The following NDUFAF7 variants were observed in gnomAD, a reference collection of about 807,000 sequenced individuals.
NDUFAF7 encodes NADH:ubiquinone oxidoreductase complex assembly factor 7.
In NDUFAF7, 48 loss-of-function variants were observed where a neutral mutation model predicts 47.2. That is an observed-to-expected ratio of 1.02 (90% CI 0.81 to 1.29). NDUFAF7 has a LOEUF of 1.29. NDUFAF7 is among the 50% of genes most tolerant of loss of function. The pLI is 0.00. For synonymous variants in NDUFAF7, 217 were observed against 190.0 expected (o/e 1.14, Z -1.17); for missense variants, 635 against 537.6 (o/e 1.18, Z -1.79).
intron 4 of NDUFAF7, among the ~76,000 whole-genome samples, chr2:37,239,370 C>G (rs1666127249): frequency 6.6e-6 from 1 of 152,170 alleles, no homozygotes; most frequent in South Asian, 2.1e-4. Context: ...CCGCCTGCCT[C>G]GGCCTCCCAG....
the NDUFAF7 span, among the ~76,000 whole-genome samples, chr2:37,266,665 T>C: frequency 6.6e-6 from 1 of 152,064 alleles, no homozygotes; most frequent in African/African-American, 2.4e-5. Flanking sequence ...TTTTTTTGTA[T>C]TTAGTAGAGA....
At chr2:37,234,976 T>A (rs1054841874) in intron 2 of NDUFAF7, among the ~76,000 whole-genome samples, 5 of 152,236 alleles carry the variant, frequency 3.3e-5, no homozygotes, top group Non-Finnish European at 7.3e-5. Flanking sequence ...ACTCAATTCT[T>A]GAGTGTTTCT....
Position 37,247,615 on chromosome 2 carries a change from G to T in NDUFAF7, c.1096G>T (p.Asp366Tyr). The change falls in exon 9 of 10, where the codon GAT becomes TAT. Residue 366 changes from aspartate (D) to tyrosine (Y), a missense_variant. Asp to Tyr is a radical substitution (Grantham distance 160, BLOSUM62 -3). Coordinates refer to ENST00000002125, the MANE Select transcript of NDUFAF7 (RefSeq NM_144736.5). ...QHTFLKNMGI[D>Y]VRLKVLLDKS... The stretch of plus-strand genomic sequence containing the variant: ...CACATTTTTAAAAAATATGGGTATT[G>T]ATGTCCGGCTGAAGGTAAGGTTTAT... 2 of 1,613,918 alleles carry T rather than the reference G, an allele frequency of 1.2e-6. No individual in the cohort carries two copies. The highest frequency in any genetic ancestry group is 1.7e-6 in the Non-Finnish European group (2 of 1,179,924).
the NDUFAF7 span, among the ~76,000 whole-genome samples, chr2:37,263,405 T>G: frequency 2.0e-5 from 3 of 152,224 alleles, no homozygotes; most frequent in Admixed American, 1.3e-4. Flanking sequence ...TTCTTTGTTT[T>G]TAGGGTACAG....
At chr2:37,257,670 AG>A (rs1303370990), downstream of NDUFAF7, among the ~76,000 whole-genome samples, 670 of 25,926 alleles carry the variant, frequency 0.026, 25 homozygotes, top group African/African-American at 0.1. Flanking sequence ...CTGTCTCAAA[AG>A]AAAAAAAAAA....
Position 37,246,048 on chromosome 2 carries a change from C to CT in NDUFAF7, c.793-3dup. 1 of 1,613,618 alleles carries CT rather than the reference C, an allele frequency of 6.2e-7. No homozygotes were observed. The highest frequency in any genetic ancestry group is 8.5e-7 in the Non-Finnish European group (1 of 1,179,694). On this transcript the variant is annotated splice_polypyrimidine_tract_variant and splice_region_variant and intron_variant, in intron 7 of 9. Coordinates refer to ENST00000002125, the MANE Select transcript of NDUFAF7 (RefSeq NM_144736.5). ...TTTGACTCTTGCAATGATCCCTTTA[C>CT]TAGCATGACGAAACAAGGGATCATG...
the NDUFAF7 span, among the ~76,000 whole-genome samples, chr2:37,258,608 G>A: frequency 1.3e-5 from 2 of 152,120 alleles, no homozygotes; most frequent in African/African-American, 2.4e-5. Flanking sequence ...CTATTTTGAA[G>A]ATCAAATGAG....
intron 4 of NDUFAF7, among the ~76,000 whole-genome samples, chr2:37,240,130 C>A (rs1666205675): frequency 6.6e-6 from 1 of 152,114 alleles, no homozygotes; most frequent in Non-Finnish European, 1.5e-5. Context: ...CTTGACAATT[C>A]AATGTAAAAA....
At chr2:37,258,329 T>C (rs1302160030), downstream of NDUFAF7, among the ~76,000 whole-genome samples, 5 of 152,108 alleles carry the variant, frequency 3.3e-5, no homozygotes, top group African/African-American at 1.2e-4. Flanking sequence ...CTTTGAAGAG[T>C]ACGAATACTG....
intron 4 of NDUFAF7, among the ~76,000 whole-genome samples, chr2:37,239,011 A>G (rs774369470): frequency 6.6e-6 from 1 of 152,150 alleles, no homozygotes; most frequent in African/African-American, 2.4e-5. Flanking sequence ...AAAAAAGCTA[A>G]AAGTCTGTCA....
chr2:37,236,502 C>T (rs1305344895), intron 3 of NDUFAF7, among the ~76,000 whole-genome samples: 6 of 151,744 alleles, frequency 4.0e-5, no homozygotes, highest in East Asian at 1.9e-4. Flanking sequence ...AGGGGCCAGG[C>T]GTAGTGGCTC....
intron 2 of NDUFAF7, among the ~76,000 whole-genome samples, chr2:37,235,754 A>C (rs1665688504): frequency 6.6e-6 from 1 of 152,004 alleles, no homozygotes; most frequent in Admixed American, 6.6e-5. Context: ...TCCGAGGTTC[A>C]CGCCATTTTC....
chr2:37,247,570 C>T lies in NDUFAF7; in HGVS notation c.1051C>T (p.Leu351=). The stretch of plus-strand genomic sequence containing the variant: ...AATGGCACAGGGAAAAGTAGCCTCT[C>T]TGGGCCCAATAAAACAACACACATT... ...RRMAQGKVAS[L]GPIKQHTFLK... The change falls in exon 9 of 10, where the codon CTG becomes TTG. Residue 351 remains leucine (L), a synonymous_variant. Coordinates refer to ENST00000002125, the MANE Select transcript of NDUFAF7 (RefSeq NM_144736.5). 1 of 1,614,060 alleles carries T rather than the reference C, an allele frequency of 6.2e-7. No individual in the cohort carries two copies. Among genetic ancestry groups the T allele is most frequent in the Non-Finnish European group, 8.5e-7 (1 of 1,179,998 alleles).
chr2:37,255,296 C>A (rs937195390), downstream of NDUFAF7, among the ~76,000 whole-genome samples: 3 of 126,684 alleles, frequency 2.4e-5, no homozygotes, highest in Non-Finnish European at 3.3e-5. Context: ...TATGATTAGG[C>A]CTAGTACTTT....
chr2:37,238,177 A>G (rs922672896), intron 4 of NDUFAF7, among the ~76,000 whole-genome samples: 1 of 152,144 alleles, frequency 6.6e-6, no homozygotes, highest in Non-Finnish European at 1.5e-5. Context: ...TGGTGGCTCA[A>G]TCCTAGCACT....
At position 37,248,195 on chromosome 2, in the gene NDUFAF7, A is replaced by G; in HGVS notation, c.1171A>G (p.Met391Val). 1 of 1,614,062 alleles carries G rather than the reference A, an allele frequency of 6.2e-7. No individual in the cohort carries two copies. The highest frequency in any genetic ancestry group is 8.5e-7 in the Non-Finnish European group (1 of 1,179,946). Reference protein sequence around the residue: ...VRQQLLQGYDMLMNPKKMGER... With the variant: ...VRQQLLQGYDVLMNPKKMGER... ...GCAGCAGTTACTTCAAGGATATGAT[A>G]TGTTAATGAATCCAAAGAAGATGGG... is the stretch of plus-strand genomic sequence containing the variant. Residue 391 changes from methionine to valine, a missense_variant, in exon 10 of 10, where the codon ATG (methionine) becomes GTG (valine). Coordinates refer to ENST00000002125, the MANE Select transcript of NDUFAF7 (RefSeq NM_144736.5).
At chr2:37,268,276 AT>A in the NDUFAF7 span, 1 of 469,616 alleles carries the variant, frequency 2.1e-6, no homozygotes, top group Non-Finnish European at 4.4e-6. Context: ...AAATGTGTGC[AT>A]TTTTGGTAAG....
Position 37,232,185 on chromosome 2 carries a change from G to A in NDUFAF7, c.135G>A (p.Arg45=), listed in dbSNP as rs145863454. The A allele has an allele frequency of 1.6e-5, 26 of 1,614,046 alleles. No individual in the cohort carries two copies. The highest frequency in any genetic ancestry group is 2.2e-5 in the East Asian group (1 of 44,892). ...AAAACCCGGTGACGCCGATGCTGCG[G>A]CATCTTATGTACAAAATAAAGTCTA... ...PAENPVTPML[R]HLMYKIKSTG... Residue 45 remains arginine, a synonymous_variant, in exon 2 of 10, where the codon CGG becomes CGA. Coordinates refer to ENST00000002125, the MANE Select transcript of NDUFAF7 (RefSeq NM_144736.5).
At chr2:37,262,374 G>C in the NDUFAF7 span, among the ~76,000 whole-genome samples, 1 of 152,140 alleles carries the variant, frequency 6.6e-6, no homozygotes, top group African/African-American at 2.4e-5. Flanking sequence ...GATTGTTTCA[G>C]TTATTTTAGC....
Sources: allele counts gnomAD v4.1 joint callset (sites outside exome capture counted in the v4.1 genomes callset), GRCh38; gene constraint gnomAD v4.1.1; transcripts MANE v1.5; gene names NCBI Gene and HGNC (gene_info 2026-07-23, HGNC 2026-07-21).